The following DNAAF9 variants were observed in gnomAD, a reference collection of about 807,000 sequenced individuals.
DNAAF9 encodes dynein axonemal assembly factor 9.
A neutral mutation model predicts 167.0 loss-of-function variants in DNAAF9; 90 were observed. The observed-to-expected ratio is 0.54, with a 90% CI of 0.45 to 0.64. The LOEUF is 0.64. Among genes scored for constraint, DNAAF9 ranks in the 30% least tolerant of loss-of-function variants. The pLI, the probability that DNAAF9 is intolerant of heterozygous loss-of-function variation, is 0.00. For missense variants in DNAAF9, 1,315 were observed against 1,442.2 expected, an observed-to-expected ratio of 0.91 and a Z score of 1.43; for synonymous variants, 491 against 508.8, an observed-to-expected ratio of 0.96 and a Z score of 0.47.
At chr20:3,353,152 T>C (rs1260166713) in intron 7 of DNAAF9, among the ~76,000 whole-genome samples, 1 of 150,670 alleles carries the variant, frequency 6.6e-6, no homozygotes, top group African/African-American at 2.4e-5. Flanking sequence ...TATATGTAAA[T>C]AAATATATAC....
At chr20:3,289,907 G>A (rs937267053) in intron 26 of DNAAF9, among the ~76,000 whole-genome samples, 1 of 152,130 alleles carries the variant, frequency 6.6e-6, no homozygotes, top group African/African-American at 2.4e-5. Flanking sequence ...AGCTCCATAA[G>A]TGCAGAGATT....
chr20:3,327,868 G>A (rs1250079285), intron 12 of DNAAF9, among the ~76,000 whole-genome samples: 1 of 152,174 alleles, frequency 6.6e-6, no homozygotes, highest in East Asian at 1.9e-4. Context: ...ATATCCTGAA[G>A]ACTTCTGGCC....
chr20:3,333,530 T>C (rs1440022345), intron 10 of DNAAF9, among the ~76,000 whole-genome samples: 1 of 152,218 alleles, frequency 6.6e-6, no homozygotes, highest in African/African-American at 2.4e-5. Flanking sequence ...TGAGAACTTA[T>C]TCTAACTAAG....
In DNAAF9 at chr20:3,252,645, T is replaced by C. The variant is rs1185017681; in HGVS notation, c.3461A>G (p.Asn1154Ser). The C allele has an allele frequency of 9.9e-6, 16 of 1,612,654 alleles. No homozygotes were observed. Among genetic ancestry groups the C allele is most frequent in the Non-Finnish European group, 1.3e-5 (15 of 1,178,732 alleles). The change falls in exon 37 of 37, where the codon AAC (asparagine) becomes AGC (serine). Residue 1154 changes from asparagine to serine, a missense_variant. Asn to Ser is a conservative substitution (Grantham distance 46). This residue lies in a region of DNAAF9 where 334 missense variants were observed against 429.7 expected (regional missense o/e 0.78). Coordinates refer to ENST00000252032, the MANE Select transcript of DNAAF9 (RefSeq NM_001009984.3). Reference protein sequence around the residue: ...QFMNDYVEEANREIEKYNQEL... With the variant: ...QFMNDYVEEASREIEKYNQEL... Reference sequence around the variant, plus strand: ...CTGGTTATACTTCTCAATTTCCCGGTTGGCTTCTTCCACGTAGTCATTCAT... The same window carrying C: ...CTGGTTATACTTCTCAATTTCCCGGCTGGCTTCTTCCACGTAGTCATTCAT...
At chr20:3,397,322 T>TGTTTTTC (rs1362065598) in intron 1 of DNAAF9, among the ~76,000 whole-genome samples, 5 of 127,614 alleles carry the variant, frequency 3.9e-5, no homozygotes, top group Admixed American at 7.7e-5. Context: ...TGTTTTGTTT[T>TGTTTTTC]GTTTTTTGTT....
At chr20:3,363,308 C>T (rs28570514) in intron 6 of DNAAF9, among the ~76,000 whole-genome samples, 6,771 of 138,818 alleles carry the variant, frequency 0.049, 431 homozygotes, top group East Asian at 0.17. Context: ...TTTAAAATGT[C>T]TTTATTCTGG....
intron 33 of DNAAF9, among the ~76,000 whole-genome samples, chr20:3,257,613 G>A (rs1051789060): frequency 1.1e-4 from 16 of 151,984 alleles, no homozygotes; most frequent in African/African-American, 3.9e-4. Context: ...GCACAATCTC[G>A]GCTCACTGCA....
intron 1 of DNAAF9, among the ~76,000 whole-genome samples, chr20:3,394,270 G>A (rs1028914830): frequency 4.6e-5 from 7 of 151,718 alleles, no homozygotes; most frequent in Non-Finnish European, 1.5e-5. Flanking sequence ...CCCAGGAGGC[G>A]GAGGTTGCGG....
intron 7 of DNAAF9, among the ~76,000 whole-genome samples, chr20:3,357,443 G>T (rs1286788167): frequency 1.3e-5 from 2 of 152,128 alleles, no homozygotes; most frequent in Admixed American, 6.6e-5. Flanking sequence ...CTACACTCCA[G>T]CCTGGGCGAC....
chr20:3,404,904 T>C (rs1168039509), intron 1 of DNAAF9, among the ~76,000 whole-genome samples: 1 of 152,228 alleles, frequency 6.6e-6, no homozygotes, highest in African/African-American at 2.4e-5. Flanking sequence ...GGTGTTTCAC[T>C]TCTTGCTCAA....
intron 23 of DNAAF9, 73 bp from the exon 24 acceptor site, chr20:3,294,702 A>T (rs1282459293): frequency 1.0e-6 from 1 of 965,620 alleles, no homozygotes; most frequent in African/African-American, 1.6e-5. Context: ...ACTGGGCCTG[A>T]TGCTTTCAAG....
At chr20:3,277,115 A>G (rs928288167) in intron 29 of DNAAF9, among the ~76,000 whole-genome samples, 8 of 152,084 alleles carry the variant, frequency 5.3e-5, no homozygotes, top group African/African-American at 1.9e-4. Flanking sequence ...GCACTCTAGA[A>G]TATCATCTGC....
intron 7 of DNAAF9, among the ~76,000 whole-genome samples, 195 bp downstream of exon 7, chr20:3,359,321 G>A (rs1030798914): frequency 4.6e-5 from 7 of 152,226 alleles, no homozygotes; most frequent in Admixed American, 2.6e-4. Context: ...CAGAGTGGAA[G>A]AGGGAGCAGT....
At chr20:3,307,320 TG>T (rs1171371543) in intron 20 of DNAAF9, 1 of 170,644 alleles carries the variant, frequency 5.9e-6, no homozygotes, top group African/African-American at 2.4e-5. Flanking sequence ...ATCTGTCCTG[TG>T]ATCGCAGCTG....
chr20:3,405,880 T>G (rs1047662313), intron 1 of DNAAF9, among the ~76,000 whole-genome samples: 1 of 152,322 alleles, frequency 6.6e-6, no homozygotes, highest in Admixed American at 6.5e-5. Context: ...AAGTATCCTA[T>G]GCAATGTCTA....
intron 9 of DNAAF9, 37 bp from the exon 10 acceptor site, chr20:3,340,676 A>C (rs2070065567): frequency 6.2e-7 from 1 of 1,610,528 alleles, no homozygotes; most frequent in South Asian, 1.1e-5. Context: ...ATTAGAAAAG[A>C]GTTCCTGGCC....
At chr20:3,407,391 C>T in intron 1 of DNAAF9, 84 bp downstream of exon 1, 2 of 1,104,292 alleles carry the variant, frequency 1.8e-6, no homozygotes, top group Non-Finnish European at 2.3e-6. Context: ...TGTCGGACCA[C>T]GCCCTGCGGC....
intron 25 of DNAAF9, among the ~76,000 whole-genome samples, chr20:3,291,572 T>G (rs2122915170): frequency 6.6e-6 from 1 of 151,982 alleles, no homozygotes; most frequent in Non-Finnish European, 1.5e-5. Flanking sequence ...CTCAATCTCT[T>G]GACCTCGTGA....
At chr20:3,395,030 C>G (rs1281783945) in intron 1 of DNAAF9, among the ~76,000 whole-genome samples, 2 of 134,424 alleles carry the variant, frequency 1.5e-5, no homozygotes, top group Non-Finnish European at 3.1e-5. Context: ...TGCAGTGGCG[C>G]GATCTCGACT....
Sources: allele counts gnomAD v4.1 joint callset (sites outside exome capture counted in the v4.1 genomes callset), GRCh38; gene constraint gnomAD v4.1.1; regional missense constraint gnomAD v4.1.1; transcripts MANE v1.5; gene names NCBI Gene and HGNC (gene_info 2026-07-23, HGNC 2026-07-21).